Variants in NELL2 observed in about 807,000 individuals in gnomAD.
NELL2 encodes the protein protein kinase C-binding protein NELL2.
NELL2 carries 41 observed loss-of-function variants against 109.6 expected under a neutral mutation model. That is an observed-to-expected ratio of 0.37 (90% CI 0.29 to 0.49). The LOEUF (loss-of-function observed/expected upper bound fraction) is 0.49. Among genes scored for constraint, NELL2 ranks in the 20% least tolerant of loss-of-function variants. The probability of loss-of-function intolerance (pLI) is 0.98; values close to 1 mark genes in which losing one functional copy is unlikely to be tolerated. For missense variants in NELL2, 900 were observed against 1,008.3 expected (o/e 0.89, Z 1.45); for synonymous variants, 355 against 344.7 (o/e 1.03, Z -0.33).
At chr12:44,662,008 C>T (rs528858202) in intron 13 of NELL2, among the ~76,000 whole-genome samples, 20 of 151,788 alleles carry the variant, frequency 1.3e-4, no homozygotes, top group African/African-American at 1.7e-4. Context: ...TATAGGAACA[C>T]GAAACGATGT....
chr12:44,694,613 T>A (rs1335739038), intron 12 of NELL2, among the ~76,000 whole-genome samples: 1 of 152,026 alleles, frequency 6.6e-6, no homozygotes, highest in East Asian at 1.9e-4. Context: ...ACTTTTTTTT[T>A]TTTATTTAAG....
intron 9 of NELL2, among the ~76,000 whole-genome samples, chr12:44,759,826 A>C (rs577146969): frequency 2.0e-5 from 3 of 152,082 alleles, no homozygotes; most frequent in Admixed American, 1.3e-4. Context: ...TATTTCCCAC[A>C]CCATATGTAT....
upstream of NELL2, among the ~76,000 whole-genome samples, chr12:44,877,269 T>C (rs1945354401): frequency 6.6e-6 from 1 of 152,214 alleles, no homozygotes; most frequent in Admixed American, 6.5e-5. Context: ...CTACCTGCCC[T>C]TCACCACATA....
intron 13 of NELL2, among the ~76,000 whole-genome samples, chr12:44,648,733 T>TATATATATATA (rs1566084908): frequency 1.8e-4 from 4 of 22,388 alleles, no homozygotes; most frequent in African/African-American, 5.5e-4. Flanking sequence ...ATATATATAT[T>TATATATATATA]TTTTTTTTTT....
intron 15 of NELL2, among the ~76,000 whole-genome samples, chr12:44,576,545 T>C (rs567479996): frequency 6.6e-6 from 1 of 152,206 alleles, no homozygotes; most frequent in East Asian, 1.9e-4. Flanking sequence ...CCTTCTCTTT[T>C]TTTTTTTTCT....
chr12:44,848,125 G>T (rs1282577877), intron 2 of NELL2, among the ~76,000 whole-genome samples: 1 of 151,856 alleles, frequency 6.6e-6, no homozygotes, highest in Non-Finnish European at 1.5e-5. Context: ...TATAAACTTA[G>T]GGCATAGCCA....
At chr12:44,900,937 C>T (rs1012661732) in intron 1 of NELL2, among the ~76,000 whole-genome samples, 1 of 151,998 alleles carries the variant, frequency 6.6e-6, no homozygotes, top group Non-Finnish European at 1.5e-5. Flanking sequence ...TGCAGTGAGG[C>T]CAGATCATGC....
intron 3 of NELL2, among the ~76,000 whole-genome samples, chr12:44,790,612 C>G (rs1239198386): frequency 6.6e-6 from 1 of 151,180 alleles, no homozygotes. Context: ...CAAAAAAAGC[C>G]AAAGTACACA....
intron 15 of NELL2, among the ~76,000 whole-genome samples, chr12:44,546,311 C>T (rs139305793): frequency 1.3e-3 from 201 of 152,092 alleles, no homozygotes; most frequent in African/African-American, 4.6e-3. Flanking sequence ...AGAAAATTCA[C>T]TGATGGATGG....
Position 44,742,873 on chromosome 12 carries a change from C to T in NELL2, c.995-28132G>A, listed in dbSNP as rs188996417. Reference sequence around the variant, plus strand: ...GAGAATGGAACCAAGTTGGAAAACACGATGCAGGATATTATCCAGGAGAAC... The same window carrying T: ...GAGAATGGAACCAAGTTGGAAAACATGATGCAGGATATTATCCAGGAGAAC... On this transcript the variant is annotated intron_variant, in intron 9 of 19. Coordinates refer to ENST00000429094, the MANE Select transcript of NELL2 (RefSeq NM_001145108.2). Among the ~76,000 whole-genome samples, 114 of 152,242 alleles carry T rather than the reference C, an allele frequency of 7.5e-4. 2 individuals carry two copies. Among genetic ancestry groups the T allele is most frequent in the East Asian group, 5.2e-3 (27 of 5,178 alleles).
At chr12:44,881,669 C>T (rs2136858634) in intron 1 of NELL2, 1 of 151,994 alleles carries the variant, frequency 6.6e-6, no homozygotes, top group Non-Finnish European at 1.5e-5. Flanking sequence ...AAGAAAATGT[C>T]ATCAGAATTC....
chr12:44,557,372 G>T (rs151006409), intron 15 of NELL2, among the ~76,000 whole-genome samples: 2 of 152,152 alleles, frequency 1.3e-5, no homozygotes, highest in Non-Finnish European at 2.9e-5. Flanking sequence ...ATCAGTTAAG[G>T]GTAGAGACGG....
upstream of NELL2, among the ~76,000 whole-genome samples, chr12:44,878,680 T>C (rs1023265104): frequency 6.6e-6 from 1 of 152,076 alleles, no homozygotes; most frequent in Non-Finnish European, 1.5e-5. Context: ...CTACCTAGAG[T>C]CCATACATTA....
At chr12:44,739,849 G>A (rs914472888) in intron 9 of NELL2, among the ~76,000 whole-genome samples, 5 of 152,026 alleles carry the variant, frequency 3.3e-5, no homozygotes, top group Admixed American at 6.6e-5. Context: ...AAGATTGCGC[G>A]ACTGCACTCC....
At chr12:44,816,562 G>C (rs1248450390) in intron 2 of NELL2, among the ~76,000 whole-genome samples, 1 of 152,168 alleles carries the variant, frequency 6.6e-6, no homozygotes, top group African/African-American at 2.4e-5. Context: ...GACACCTCAT[G>C]ACAGAAAACT....
In NELL2 at chr12:44,739,645, A is replaced by G. The variant is rs1238249135; in HGVS notation, c.995-24904T>C. Among the ~76,000 whole-genome samples, 6 of 152,276 alleles carry G rather than the reference A, an allele frequency of 3.9e-5. No homozygotes were observed. The East Asian group carries it at 1.2e-3, about 29-fold the overall frequency. On this transcript the variant is annotated intron_variant, in intron 9 of 19. Transcript: ENST00000429094. Reference sequence around the variant, plus strand: ...GAGGCTCATGCCTGTAATCTCAGCAAGTTGGGAGGCCAAGGTGAGTGGATC... The same window carrying G: ...GAGGCTCATGCCTGTAATCTCAGCAGGTTGGGAGGCCAAGGTGAGTGGATC...
chr12:44,688,942 A>C (rs142887113), intron 12 of NELL2, among the ~76,000 whole-genome samples: 43 of 152,332 alleles, frequency 2.8e-4, no homozygotes, highest in African/African-American at 1.0e-3. Context: ...TGTTTCCATC[A>C]CACTACGAAG....
chr12:44,667,613 C>G lies in NELL2; in HGVS notation c.1319-2004G>C, dbSNP rs79954680. 9.8e-5 allele frequency among the ~76,000 whole-genome samples: 15 copies of G among 152,286 alleles called. No individual in the cohort carries two copies. The East Asian group carries it at 2.9e-3, about 29-fold the overall frequency. ...GGATTCAAGATGTTTACTAGAGGAG[C>G]CTGGTACTCATCTCCTCGACAGACA... On this transcript the variant is annotated intron_variant, in intron 12 of 19. Transcript: ENST00000429094.
At chr12:44,696,119 C>G (rs1949056980) in intron 12 of NELL2, among the ~76,000 whole-genome samples, 1 of 152,186 alleles carries the variant, frequency 6.6e-6, no homozygotes, top group South Asian at 2.1e-4. Context: ...GAAGAGGCAT[C>G]ATTGGCCAAA....
Sources: gnomAD v4.1 joint callset for allele counts (sites outside exome capture counted in the v4.1 genomes callset) on GRCh38, gnomAD v4.1.1 for gene constraint, MANE v1.5 for transcripts, NCBI Gene and HGNC (gene_info 2026-07-23, HGNC 2026-07-21) for gene names.